Variants in OR51B5 observed in about 807,000 individuals in gnomAD.
OR51B5 encodes olfactory receptor 51B5.
For synonymous variants in OR51B5, 186 were observed against 144.8 expected, an observed-to-expected ratio of 1.28 and a Z score of -2.04; for missense variants, 456 against 374.6, an observed-to-expected ratio of 1.22 and a Z score of -1.79.
At chr11:5,352,074 C>T in intron 1 of OR51B5, 1 of 1,614,124 alleles carries the variant, frequency 6.2e-7, no homozygotes, top group Non-Finnish European at 8.5e-7. Flanking sequence ...CCTGTGCTGA[C>T]ATCACCTTCA....
chr11:5,358,818 G>A (rs1341056949), intron 1 of OR51B5, among the ~76,000 whole-genome samples: 1 of 152,130 alleles, frequency 6.6e-6, no homozygotes. Context: ...CTTCATCCCT[G>A]GGATGCAAGG....
chr11:5,450,311 C>G (rs1809863), intron 1 of OR51B5, among the ~76,000 whole-genome samples: 75,175 of 151,548 alleles, frequency 0.5, 19,403 homozygotes, highest in Non-Finnish European at 0.55. Context: ...ATCACCTGAA[C>G]CTGGGAGACA....
Position 5,422,602 on chromosome 11 carries a change from T to C in OR51B5, n.85-75692A>G, listed in dbSNP as rs570435011. The C allele has an allele frequency of 2.5e-6, 4 of 1,614,152 alleles. No individual in the cohort carries two copies. The South Asian group carries it at 3.3e-5, about 13-fold the overall frequency. On this transcript the variant is annotated intron_variant and non_coding_transcript_variant, in intron 1 of 4. Coordinates refer to the OR51B5 transcript ENST00000415970. ...TGGCCATCTGCTGTCCCCTCCATTA[T>C]GCCTCCATCCTCACCAATGAAGTCA... is the stretch of plus-strand genomic sequence containing the variant.
intron 1 of OR51B5, among the ~76,000 whole-genome samples, chr11:5,447,797 T>G (rs1218382351): frequency 6.6e-6 from 1 of 152,140 alleles, no homozygotes; most frequent in Non-Finnish European, 1.5e-5. Context: ...TCAATTCCAG[T>G]GGCCTTGGTT....
intron 1 of OR51B5, among the ~76,000 whole-genome samples, chr11:5,442,860 T>A (rs1440393201): frequency 6.6e-6 from 1 of 152,156 alleles, no homozygotes; most frequent in African/African-American, 2.4e-5. Context: ...TCTCTCCTAA[T>A]TCACTTGATC....
chr11:5,357,155 G>A (rs975523616), intron 1 of OR51B5, among the ~76,000 whole-genome samples: 2 of 152,072 alleles, frequency 1.3e-5, no homozygotes, highest in South Asian at 2.1e-4. Flanking sequence ...TGGGCTAAAT[G>A]CTCCAGTAAA....
chr11:5,340,662 A>C (rs995683108), downstream of OR51B5: 4 of 152,226 alleles, frequency 2.6e-5, no homozygotes, highest in Admixed American at 6.5e-5. Context: ...CAAGGCAAAA[A>C]GTAGAAGCCA....
At chr11:5,392,932 AT>A (rs60219073) in intron 1 of OR51B5, 119,719 of 151,826 alleles carry the variant, frequency 0.79, 47,569 homozygotes, top group Middle Eastern at 0.84. Context: ...AAAAAGAAAA[AT>A]AAATAAATAT....
At chr11:5,384,843 A>G (rs537236538) in intron 1 of OR51B5, among the ~76,000 whole-genome samples, 1 of 152,266 alleles carries the variant, frequency 6.6e-6, no homozygotes, top group East Asian at 1.9e-4. Flanking sequence ...ATCCTCCTCT[A>G]TCCTACTAAA....
intron 1 of OR51B5, among the ~76,000 whole-genome samples, chr11:5,377,867 A>G (rs992498376): frequency 1.6e-4 from 25 of 152,170 alleles, no homozygotes; most frequent in African/African-American, 4.6e-4. Context: ...AATCAATATC[A>G]TCAAAATGGC....
chr11:5,341,431 G>A (rs946179690), downstream of OR51B5: 3 of 152,128 alleles, frequency 2.0e-5, no homozygotes, highest in African/African-American at 4.8e-5. Flanking sequence ...TAAAATGATC[G>A]GGGTAAAACA....
At chr11:5,434,699 G>A (rs1391619) in intron 1 of OR51B5, among the ~76,000 whole-genome samples, 125,793 of 152,116 alleles carry the variant, frequency 0.83, 52,185 homozygotes, top group Non-Finnish European at 0.86. Flanking sequence ...TAGCTCAAAA[G>A]ATTAACTCAA....
At chr11:5,426,998 G>C (rs1290061737) in intron 1 of OR51B5, among the ~76,000 whole-genome samples, 1 of 152,028 alleles carries the variant, frequency 6.6e-6, no homozygotes, top group East Asian at 1.9e-4. Context: ...GACAACATTT[G>C]TTCACAGTGA....
chr11:5,484,527 G>A (rs905770981), intron 1 of OR51B5, among the ~76,000 whole-genome samples: 1 of 152,160 alleles, frequency 6.6e-6, no homozygotes, highest in Non-Finnish European at 1.5e-5. Flanking sequence ...ACAGGTCAGT[G>A]CCAATGCTGA....
chr11:5,405,839 T>C (rs952742485), intron 1 of OR51B5, among the ~76,000 whole-genome samples: 1 of 152,188 alleles, frequency 6.6e-6, no homozygotes, highest in Admixed American at 6.5e-5. Flanking sequence ...TGCAGTTGTC[T>C]ATAACCATAC....
rs528276295 is a variant in OR51B5, at chr11:5,381,140, T to C, written n.85-34230A>G. On this transcript the variant is annotated intron_variant and non_coding_transcript_variant, in intron 1 of 4. Transcript: ENST00000415970. ...CATACCCCCACCCCACCTCTCTCTC[T>C]CTGTCGCTCGCTCGCTGTTTCTCTC... Among the ~76,000 whole-genome samples the C allele has an allele frequency of 8.3e-5, 10 of 120,160 alleles. No individual in the cohort carries two copies. In the East Asian group the frequency reaches 1.5e-3, roughly 18 times the overall value. 78.8% of individuals were successfully genotyped at this position (120,160 alleles called of 152,430 possible).
intron 1 of OR51B5, among the ~76,000 whole-genome samples, chr11:5,405,529 CTT>C (rs35591014): frequency 0.83 from 125,202 of 151,284 alleles, 52,502 homozygotes; most frequent in Non-Finnish European, 0.89. Flanking sequence ...TTAGAAAGAA[CTT>C]TTTTTTTTTT....
At chr11:5,446,373 C>T (rs1850764285) in intron 1 of OR51B5, among the ~76,000 whole-genome samples, 1 of 151,634 alleles carries the variant, frequency 6.6e-6, no homozygotes, top group Non-Finnish European at 1.5e-5. Flanking sequence ...TACTGGTATT[C>T]ACTGTGAAAT....
intron 1 of OR51B5, chr11:5,351,439 G>A (rs1318734009): frequency 5.5e-6 from 7 of 1,269,352 alleles, no homozygotes; most frequent in African/African-American, 1.5e-5. Flanking sequence ...TTCTCAAGGA[G>A]CAACTTTTAT....
Sources: allele counts gnomAD v4.1 joint callset (sites outside exome capture counted in the v4.1 genomes callset), GRCh38; gene constraint gnomAD v4.1.1; transcripts MANE v1.5; gene names NCBI Gene and HGNC (gene_info 2026-07-23, HGNC 2026-07-21).